The following ERVW-1 variants were observed in gnomAD, a reference collection of about 807,000 sequenced individuals.
ERVW-1 encodes syncytin-1.
ERVW-1 carries 21 observed loss-of-function variants against 16.6 expected under a neutral mutation model. That is an observed-to-expected ratio of 1.26 (90% CI 0.90 to 1.82). The LOEUF (loss-of-function observed/expected upper bound fraction) is 1.82. Ranked by LOEUF, ERVW-1 falls within the 40% of genes most tolerant of loss-of-function variation. The pLI is 0.00. For missense variants in ERVW-1, 412 were observed against 300.2 expected (o/e 1.37, Z -2.75); for synonymous variants, 161 against 109.8 (o/e 1.47, Z -2.92).
chr7:92,473,884 A>G (rs969453744), intron 1 of ERVW-1, among the ~76,000 whole-genome samples: 1 of 152,150 alleles, frequency 6.6e-6, no homozygotes, highest in African/African-American at 2.4e-5. Context: ...AGGCACCCTC[A>G]GTCCTGCTGC....
Position 92,470,102 on chromosome 7 carries a change from G to T in ERVW-1, c.280C>A (p.Pro94Thr), listed in dbSNP as rs773498576. 1.3e-6 allele frequency: 1 copy of T among 778,772 alleles called. No homozygotes were observed. The allele number at this position is 778,772 out of a possible 1,614,324, so 48.2% of individuals were successfully genotyped here. A position where few individuals can be genotyped will look rare whatever the true frequency, so the allele number is the denominator to read the frequency against. Reference sequence around the variant, plus strand: ...ACTCCAAGTCCTCCAGGACAACTAGGATTAATCATTTTTCCTGTCCAATAA... The same window carrying T: ...ACTCCAAGTCCTCCAGGACAACTAGTATTAATCATTTTTCCTGTCCAATAA... ...THYWTGKMINPSCPGGLGVTV... is the reference protein window; with the variant it reads ...THYWTGKMINTSCPGGLGVTV... The change falls in exon 2 of 2, where the codon CCT becomes ACT. Residue 94 changes from proline to threonine, a missense_variant. Physicochemically the swap from Pro to Thr is conservative, Grantham distance 38. Transcript: ENST00000603053.
At chr7:92,476,116 T>C (rs1243246629) in intron 1 of ERVW-1, among the ~76,000 whole-genome samples, 2 of 152,204 alleles carry the variant, frequency 1.3e-5, no homozygotes, top group Non-Finnish European at 2.9e-5. Context: ...CTTTGTATGG[T>C]AATTAAGATT....
intron 1 of ERVW-1, chr7:92,472,835 T>G (rs1407736569): frequency 6.6e-6 from 1 of 152,234 alleles, no homozygotes; most frequent in Non-Finnish European, 1.5e-5. Flanking sequence ...TGAGCAGAGT[T>G]GAGCCTTTGG....
chr7:92,476,000 C>G lies in ERVW-1; in HGVS notation c.-228+1382G>C, dbSNP rs536402594. On this transcript the variant is annotated intron_variant, in intron 1 of 1. Coordinates refer to ENST00000603053, the MANE Select transcript of ERVW-1 (RefSeq NM_001130925.2). ...TTCTAACTCTGCTTCCACAAGAGTC[C>G]CCGTATCAATTACTGAATACCCATT... is the stretch of plus-strand genomic sequence containing the variant. Among the ~76,000 whole-genome samples, 3 of 152,212 alleles carry G rather than the reference C, an allele frequency of 2.0e-5. No homozygotes were observed. The East Asian group carries it at 5.8e-4, about 29-fold the overall frequency.
intron 1 of ERVW-1, among the ~76,000 whole-genome samples, chr7:92,475,603 A>G (rs891049935): frequency 6.9e-6 from 1 of 144,234 alleles, no homozygotes; most frequent in South Asian, 2.2e-4. Context: ...GTAACCACCC[A>G]TGGACCTCTG....
intron 1 of ERVW-1, chr7:92,472,809 C>G (rs952949691): frequency 5.3e-5 from 8 of 152,134 alleles, no homozygotes; most frequent in African/African-American, 1.9e-4. Context: ...TAATTTTAGC[C>G]CTAAGTAACC....
chr7:92,468,882 T>C lies in ERVW-1; in HGVS notation c.1500A>G (p.Arg500=). 1 of 764,262 alleles carries C rather than the reference T, an allele frequency of 1.3e-6. No individual in the cohort carries two copies. The highest frequency in any genetic ancestry group is 1.7e-5 in the Admixed American group (1 of 59,024). The allele number at this position is 764,262 out of a possible 1,614,324, so 47.3% of individuals were successfully genotyped here. The change falls in exon 2 of 2, where the codon AGA becomes AGG. Residue 500 remains arginine, a synonymous_variant. Coordinates refer to ENST00000603053, the MANE Select transcript of ERVW-1 (RefSeq NM_001130925.2). ...GTGGGCTAGCAGGCCGGTCCAGGGG[T>C]CTGCGGTAGATCTTAGTCTTGGACT... is the stretch of plus-strand genomic sequence containing the variant. ...KMQSKTKIYR[R]PLDRPASPRS... is the part of the protein sequence containing the mutation.
Position 92,470,249 on chromosome 7 carries a change from C to T in ERVW-1, c.133G>A (p.Gly45Arg), listed in dbSNP as rs753613223. Residue 45 changes from glycine to arginine, a missense_variant, in exon 2 of 2, where the codon GGA becomes AGA. By Grantham distance (125) the Gly-to-Arg change is moderately radical. Coordinates refer to ENST00000603053, the MANE Select transcript of ERVW-1 (RefSeq NM_001130925.2). Reference sequence around the variant, plus strand: ...CTATACGATGGGGCATCAATATTTCCGGGACGCTGCATTCTCCATAGAAAC... The same window carrying T: ...CTATACGATGGGGCATCAATATTTCTGGGACGCTGCATTCTCCATAGAAAC... Reference protein sequence around the residue: ...QEFLWRMQRPGNIDAPSYRSL... With the variant: ...QEFLWRMQRPRNIDAPSYRSL... 1.7e-5 allele frequency: 13 copies of T among 778,662 alleles called. No individual in the cohort carries two copies. The highest frequency in any genetic ancestry group is 3.6e-4 in the Middle Eastern group (1 of 2,810). 48.2% of individuals were successfully genotyped at this position (778,662 alleles called of 1,614,324 possible). A position where few individuals can be genotyped will look rare whatever the true frequency, so the allele number is the denominator to read the frequency against.
Position 92,468,486 on chromosome 7 carries a change from A to C in ERVW-1, c.*279T>G. On this transcript the variant is annotated 3_prime_UTR_variant, in exon 2 of 2. Coordinates refer to ENST00000603053, the MANE Select transcript of ERVW-1 (RefSeq NM_001130925.2). ...GTTGCCGGCTCGAAGACTTGGGTTT[A>C]TATCCCGATCATTGTCCCTCCTGCT... The C allele has an allele frequency of 3.7e-6, 1 of 268,804 alleles. No individual in the cohort carries two copies. The highest frequency in any genetic ancestry group is 6.9e-6 in the Non-Finnish European group (1 of 143,926). 16.7% of individuals were successfully genotyped at this position (268,804 alleles called of 1,614,324 possible).
At position 92,470,214 on chromosome 7, in the gene ERVW-1, A is replaced by G. The variant is rs1790284753; in HGVS notation, c.168T>C (p.Ser56=). ...GGGCAGTGAAGGTGGGGGTTCCCTTAGAAAGACTCCTATACGATGGGGCAT... is the reference window on the plus strand; with the variant it reads ...GGGCAGTGAAGGTGGGGGTTCCCTTGGAAAGACTCCTATACGATGGGGCAT... ...NIDAPSYRSL[S]KGTPTFTAHT... The change falls in exon 2 of 2, where the codon TCT becomes TCC. Residue 56 remains serine, a synonymous_variant. Coordinates refer to ENST00000603053, the MANE Select transcript of ERVW-1 (RefSeq NM_001130925.2). The G allele has an allele frequency of 6.4e-6, 5 of 778,498 alleles. No homozygotes were observed. Among genetic ancestry groups the G allele is most frequent in the Non-Finnish European group, 1.2e-5 (5 of 417,840 alleles). 48.2% of individuals were successfully genotyped at this position (778,498 alleles called of 1,614,324 possible).
intron 1 of ERVW-1, chr7:92,471,609 A>G (rs1790355908): frequency 6.6e-6 from 1 of 152,118 alleles, no homozygotes; most frequent in South Asian, 2.1e-4. Context: ...GGGTTGTTTT[A>G]TAAGCATTTC....
chr7:92,470,649 C>A, intron 1 of ERVW-1, 41 bp from the exon 2 acceptor site: 1 of 341,208 alleles, frequency 2.9e-6, no homozygotes, highest in Non-Finnish European at 5.6e-6. Context: ...TGACTAATAC[C>A]ATGTCACAAG....
At chr7:92,472,047 T>A (rs1790370694) in intron 1 of ERVW-1, 1 of 152,184 alleles carries the variant, frequency 6.6e-6, no homozygotes, top group Non-Finnish European at 1.5e-5. Context: ...GGAACTTCCA[T>A]CAGTATACAA....
In ERVW-1 at chr7:92,469,982, A is replaced by C. The variant is rs769068999; in HGVS notation, c.400T>G (p.Ser134Ala). ...AREKHVKEVISQLTRVHGTSS... is the reference protein window; with the variant it reads ...AREKHVKEVIAQLTRVHGTSS... ...GTGCCATGTACCCGGGTGAGTTGGG[A>C]GATTACTTCTTTTACATGTTTTTCT... Residue 134 changes from serine (S) to alanine (A), a missense_variant, in exon 2 of 2, where the codon TCC (serine) becomes GCC (alanine). Transcript: ENST00000603053. The C allele has an allele frequency of 1.7e-5, 13 of 776,938 alleles. No individual in the cohort carries two copies. The highest frequency in any genetic ancestry group is 2.6e-5 in the Non-Finnish European group (11 of 417,032). 48.1% of individuals were successfully genotyped at this position (776,938 alleles called of 1,614,324 possible). A position where few individuals can be genotyped will look rare whatever the true frequency, so the allele number is the denominator to read the frequency against.
At chr7:92,476,687 C>T (rs890992463) in intron 1 of ERVW-1, among the ~76,000 whole-genome samples, 3 of 151,868 alleles carry the variant, frequency 2.0e-5, no homozygotes, top group African/African-American at 7.3e-5. Flanking sequence ...TCCTCCATTT[C>T]TCTCTCTCTC....
At chr7:92,474,417 C>A (rs1224958180) in intron 1 of ERVW-1, among the ~76,000 whole-genome samples, 1 of 152,168 alleles carries the variant, frequency 6.6e-6, no homozygotes, top group Non-Finnish European at 1.5e-5. Flanking sequence ...CTTCCCTTCC[C>A]TGTGTTATGG....
At chr7:92,472,784 C>A (rs1264939673) in intron 1 of ERVW-1, 2 of 152,022 alleles carry the variant, frequency 1.3e-5, no homozygotes, top group Non-Finnish European at 2.9e-5. Context: ...CACTGAGGGC[C>A]CTGGTGCCTT....
At chr7:92,471,259 A>C (rs1425697092) in intron 1 of ERVW-1, 1 of 166,818 alleles carries the variant, frequency 6.0e-6, no homozygotes, top group Non-Finnish European at 1.5e-5. Context: ...CTCCAGGGTA[A>C]TGGCCTGTTC....
intron 1 of ERVW-1, chr7:92,470,827 T>G (rs1790317897): frequency 5.9e-6 from 1 of 168,746 alleles, no homozygotes; most frequent in African/African-American, 2.4e-5. Context: ...TCGTATGGGC[T>G]AAGTCCTGCT....
Sources: allele counts gnomAD v4.1 joint callset (sites outside exome capture counted in the v4.1 genomes callset), GRCh38; gene constraint gnomAD v4.1.1; transcripts MANE v1.5; gene names NCBI Gene and HGNC (gene_info 2026-07-23, HGNC 2026-07-21).